The following TAFA2 variants were observed in gnomAD, a reference collection of about 807,000 sequenced individuals.
TAFA2 encodes the protein TAFA chemokine like family member 2, also known as chemokine-like protein TAFA-2.
TAFA2 carries 7 observed loss-of-function variants against 18.8 expected under a neutral mutation model. That is an observed-to-expected ratio of 0.37 (90% CI 0.21 to 0.70). The LOEUF is 0.70. TAFA2 is among the 30% of genes least tolerant of loss of function. The pLI is 0.53. For missense variants in TAFA2, 122 were observed against 158.1 expected, an observed-to-expected ratio of 0.77 and a Z score of 1.23; for synonymous variants, 60 against 54.2, an observed-to-expected ratio of 1.11 and a Z score of -0.47.
At chr12:61,852,932 G>A (rs1015931131) in intron 2 of TAFA2, among the ~76,000 whole-genome samples, 3 of 152,094 alleles carry the variant, frequency 2.0e-5, no homozygotes, top group Non-Finnish European at 4.4e-5. Context: ...TGGTCAAAGG[G>A]TACAAACCTT....
intron 1 of TAFA2, among the ~76,000 whole-genome samples, chr12:62,065,538 T>C (rs1185305442): frequency 6.6e-6 from 1 of 152,020 alleles, no homozygotes; most frequent in South Asian, 2.1e-4. Flanking sequence ...AACTAAAATA[T>C]GTGTGATAGT....
intron 2 of TAFA2, among the ~76,000 whole-genome samples, chr12:61,838,166 G>A (rs184366044): frequency 5.9e-5 from 9 of 151,992 alleles, no homozygotes; most frequent in Non-Finnish European, 1.2e-4. Flanking sequence ...CTGAATGTGA[G>A]GAAGGAAATT....
At chr12:61,752,448 T>C (rs755530078) in intron 4 of TAFA2, among the ~76,000 whole-genome samples, 1 of 152,016 alleles carries the variant, frequency 6.6e-6, no homozygotes, top group East Asian at 1.9e-4. Context: ...AAGGAAAATT[T>C]ACATTGCCAG....
chr12:62,171,810 T>C (rs1037031744), intron 1 of TAFA2, among the ~76,000 whole-genome samples: 1 of 152,198 alleles, frequency 6.6e-6, no homozygotes, highest in Non-Finnish European at 1.5e-5. Context: ...CTAGAAAAAG[T>C]ATACCCCCTA....
chr12:62,224,626 C>G (rs2062778421), intron 1 of TAFA2, among the ~76,000 whole-genome samples: 1 of 152,054 alleles, frequency 6.6e-6, no homozygotes, highest in Non-Finnish European at 1.5e-5. Context: ...GTGACACAAA[C>G]ATTTAGACCA....
chr12:62,040,480 T>G (rs1218587046), intron 1 of TAFA2, among the ~76,000 whole-genome samples: 1 of 151,952 alleles, frequency 6.6e-6, no homozygotes, highest in Non-Finnish European at 1.5e-5. Context: ...AATTTGGACA[T>G]AAAGACAGAC....
At chr12:62,110,887 CTTT>C (rs1367767088) in intron 1 of TAFA2, among the ~76,000 whole-genome samples, 3 of 151,780 alleles carry the variant, frequency 2.0e-5, no homozygotes, top group Non-Finnish European at 4.4e-5. Flanking sequence ...CTCTTTCCTT[CTTT>C]ATTAGTCTGT....
intron 1 of TAFA2, chr12:61,878,039 C>A (rs1048949012): frequency 4.4e-5 from 20 of 451,592 alleles, no homozygotes; most frequent in Non-Finnish European, 8.0e-5. Flanking sequence ...GTGAAATAAG[C>A]CAGACACAAA....
chr12:62,139,436 G>C (rs1001343196), intron 1 of TAFA2, among the ~76,000 whole-genome samples: 63 of 152,280 alleles, frequency 4.1e-4, no homozygotes, highest in African/African-American at 1.4e-3. Flanking sequence ...GTTGTTCTTA[G>C]TGGAAAAGCA....
chr12:61,930,773 C>G (rs1399330113), intron 1 of TAFA2, among the ~76,000 whole-genome samples: 1 of 152,210 alleles, frequency 6.6e-6, no homozygotes, highest in Non-Finnish European at 1.5e-5. Flanking sequence ...TCTTACATCA[C>G]TCTGCATGAG....
intron 1 of TAFA2, among the ~76,000 whole-genome samples, chr12:61,997,085 T>C (rs1254228296): frequency 6.6e-6 from 1 of 150,712 alleles, no homozygotes; most frequent in Non-Finnish European, 1.5e-5. Flanking sequence ...AAACAAAAAA[T>C]AATAAACAAA....
chr12:61,926,582 C>G (rs1420480432), intron 1 of TAFA2, among the ~76,000 whole-genome samples: 1 of 152,074 alleles, frequency 6.6e-6, no homozygotes, highest in Non-Finnish European at 1.5e-5. Flanking sequence ...ATAAATTGAA[C>G]CAATTACAAA....
At chr12:62,028,733 C>T (rs1220838116) in intron 1 of TAFA2, among the ~76,000 whole-genome samples, 2 of 152,200 alleles carry the variant, frequency 1.3e-5, no homozygotes, top group Admixed American at 6.5e-5. Flanking sequence ...TGCAGTCTGA[C>T]TGGCCACCTG....
intron 1 of TAFA2, among the ~76,000 whole-genome samples, chr12:62,173,027 T>C (rs1164815512): frequency 1.3e-5 from 2 of 152,134 alleles, no homozygotes; most frequent in African/African-American, 4.8e-5. Context: ...ACTAATATAT[T>C]AAGGTTCCTA....
intron 1 of TAFA2, among the ~76,000 whole-genome samples, chr12:62,215,955 T>C (rs904372772): frequency 2.6e-5 from 4 of 151,706 alleles, no homozygotes; most frequent in African/African-American, 9.7e-5. Context: ...AAAGATGGGG[T>C]TTCTAGAGAC....
intron 1 of TAFA2, among the ~76,000 whole-genome samples, chr12:61,940,687 G>C (rs539826390): frequency 1.1e-3 from 167 of 152,322 alleles, no homozygotes; most frequent in Admixed American, 1.6e-3. Flanking sequence ...CATCTACGCA[G>C]AGGTGCAGGT....
chr12:61,928,497 A>G (rs1429430168), intron 1 of TAFA2, among the ~76,000 whole-genome samples: 1 of 152,202 alleles, frequency 6.6e-6, no homozygotes, highest in Non-Finnish European at 1.5e-5. Context: ...AATGGCGATC[A>G]TTAAAAAGTC....
chr12:62,090,058 C>T (rs1012521122), intron 1 of TAFA2, among the ~76,000 whole-genome samples: 1 of 152,012 alleles, frequency 6.6e-6, no homozygotes, highest in African/African-American at 2.4e-5. Context: ...TATTGTGAGC[C>T]ACACATAGCT....
chr12:61,963,031 C>G (rs2136655974), intron 1 of TAFA2, among the ~76,000 whole-genome samples: 1 of 152,094 alleles, frequency 6.6e-6, no homozygotes, highest in Non-Finnish European at 1.5e-5. Context: ...CAGCTTTATC[C>G]ATGTCTCTGC....
Sources: gnomAD v4.1 joint callset for allele counts (sites outside exome capture counted in the v4.1 genomes callset) on GRCh38, gnomAD v4.1.1 for gene constraint, MANE v1.5 for transcripts, NCBI Gene and HGNC (gene_info 2026-07-23, HGNC 2026-07-21) for gene names.